The following KCNB2 variants were observed in gnomAD, a reference collection of about 807,000 sequenced individuals.
The protein encoded by KCNB2 is potassium voltage-gated channel subfamily B member 2, also known as delayed rectifier potassium channel protein.
Under a neutral mutation model 61.5 loss-of-function variants are expected in KCNB2, and 15 were observed. The ratio of observed to expected loss-of-function variants is 0.24; its 90% CI spans 0.16 to 0.38. KCNB2 has a LOEUF of 0.38. Among genes scored for constraint, KCNB2 ranks in the 10% least tolerant of loss-of-function variants. The probability of loss-of-function intolerance (pLI) is 1.00; values close to 1 mark genes in which losing one functional copy is unlikely to be tolerated. For synonymous variants in KCNB2, 457 were observed against 446.0 expected, an observed-to-expected ratio of 1.02 and a Z score of -0.31; for missense variants, 828 against 1,125.2, an observed-to-expected ratio of 0.74 and a Z score of 3.78.
intron 2 of KCNB2, among the ~76,000 whole-genome samples, chr8:72,753,648 G>C (rs1056209757): frequency 2.0e-5 from 3 of 152,114 alleles, no homozygotes; most frequent in Non-Finnish European, 4.4e-5. Context: ...GAGAAAGCAG[G>C]CTCCATGAGC....
At chr8:72,684,305 G>T (rs1455039747) in intron 2 of KCNB2, among the ~76,000 whole-genome samples, 1 of 152,326 alleles carries the variant, frequency 6.6e-6, no homozygotes, top group African/African-American at 2.4e-5. Flanking sequence ...GTTCCCCTGG[G>T]ACATCTGGGT....
At chr8:72,910,405 A>G (rs58316320) in intron 2 of KCNB2, among the ~76,000 whole-genome samples, 1 of 152,162 alleles carries the variant, frequency 6.6e-6, no homozygotes, top group Non-Finnish European at 1.5e-5. Context: ...CATAGACGAT[A>G]CCAGGAACCA....
At chr8:72,871,638 A>C (rs1805619474) in intron 2 of KCNB2, among the ~76,000 whole-genome samples, 1 of 152,196 alleles carries the variant, frequency 6.6e-6, no homozygotes, top group South Asian at 2.1e-4. Flanking sequence ...TCTTGTAACC[A>C]ATCTTACAAT....
At chr8:72,760,690 A>G (rs1808364127) in intron 2 of KCNB2, among the ~76,000 whole-genome samples, 1 of 152,206 alleles carries the variant, frequency 6.6e-6, no homozygotes, top group African/African-American at 2.4e-5. Context: ...TATGGAGCTC[A>G]CAGGCCTCAG....
intron 2 of KCNB2, among the ~76,000 whole-genome samples, chr8:72,573,223 A>G (rs187722133): frequency 6.6e-6 from 1 of 152,330 alleles, no homozygotes; most frequent in Non-Finnish European, 1.5e-5. Context: ...AATACATAAC[A>G]TTCTCATTCT....
chr8:72,570,681 G>A (rs891345840), intron 2 of KCNB2, among the ~76,000 whole-genome samples: 9 of 151,998 alleles, frequency 5.9e-5, no homozygotes, highest in Admixed American at 5.9e-4. Flanking sequence ...GCTGCAGTAG[G>A]GTGATATTCT....
At chr8:72,766,521 A>G (rs931591810) in intron 2 of KCNB2, among the ~76,000 whole-genome samples, 4 of 152,072 alleles carry the variant, frequency 2.6e-5, no homozygotes, top group Non-Finnish European at 4.4e-5. Context: ...TCACATCACA[A>G]TTTTTTCCTG....
At chr8:72,622,925 T>C (rs1365747063) in intron 2 of KCNB2, among the ~76,000 whole-genome samples, 3 of 152,162 alleles carry the variant, frequency 2.0e-5, no homozygotes, top group Non-Finnish European at 2.9e-5. Context: ...CTGCTAGAAC[T>C]TGCCATGTGG....
chr8:72,758,907 G>A (rs1306933393), intron 2 of KCNB2, among the ~76,000 whole-genome samples: 2 of 152,174 alleles, frequency 1.3e-5, no homozygotes, highest in East Asian at 1.9e-4. Context: ...CTTAAAATAA[G>A]CCAAGTGCTA....
intron 2 of KCNB2, among the ~76,000 whole-genome samples, chr8:72,758,294 T>A (rs1012463364): frequency 6.6e-6 from 1 of 152,180 alleles, no homozygotes; most frequent in Non-Finnish European, 1.5e-5. Flanking sequence ...GTCCTCATGG[T>A]TGAGTTATTG....
chr8:72,796,864 C>T (rs1338074301), intron 2 of KCNB2, among the ~76,000 whole-genome samples: 2 of 152,088 alleles, frequency 1.3e-5, no homozygotes. Flanking sequence ...GGGTGCATGT[C>T]TTATGTGGAA....
intron 1 of KCNB2, among the ~76,000 whole-genome samples, chr8:72,549,364 G>T (rs1806309120): frequency 6.6e-6 from 1 of 152,222 alleles, no homozygotes; most frequent in East Asian, 1.9e-4. Context: ...CATAACAAAA[G>T]TATATTTCTC....
At chr8:72,583,948 C>CAAAAAA (rs71566823) in intron 2 of KCNB2, among the ~76,000 whole-genome samples, 16 of 100,774 alleles carry the variant, frequency 1.6e-4, no homozygotes, top group African/African-American at 4.5e-4. Context: ...AATAGAATAT[C>CAAAAAA]AAAAAAAAAA....
chr8:72,614,868 A>G (rs930411264), intron 2 of KCNB2, among the ~76,000 whole-genome samples: 1 of 152,154 alleles, frequency 6.6e-6, no homozygotes, highest in African/African-American at 2.4e-5. Flanking sequence ...ATAACCACAC[A>G]ATGGCCCATG....
At chr8:72,857,593 G>T (rs1810226336) in intron 2 of KCNB2, among the ~76,000 whole-genome samples, 1 of 151,882 alleles carries the variant, frequency 6.6e-6, no homozygotes, top group South Asian at 2.1e-4. Context: ...GTGGCAGAGT[G>T]CCTGCCTGGA....
chr8:72,811,453 C>T (rs559495098), intron 2 of KCNB2, among the ~76,000 whole-genome samples: 1 of 152,238 alleles, frequency 6.6e-6, no homozygotes, highest in African/African-American at 2.4e-5. Flanking sequence ...AAGGTTGTTA[C>T]TTCCACATTC....
intron 2 of KCNB2, among the ~76,000 whole-genome samples, chr8:72,580,060 A>G (rs1322687027): frequency 6.6e-6 from 1 of 152,136 alleles, no homozygotes; most frequent in Admixed American, 6.5e-5. Flanking sequence ...TTGACTCCAC[A>G]ACTTTTTCTG....
rs138121397 is a variant in KCNB2 at position 72,754,467 on chromosome 8, C to T, written c.580-181468C>T. 2.3e-3 allele frequency among the ~76,000 whole-genome samples: 348 copies of T among 152,148 alleles called. 3 individuals are homozygous for T. The highest frequency in any genetic ancestry group is 7.9e-3 in the African/African-American group (329 of 41,506). On this transcript the variant is annotated intron_variant, in intron 2 of 2. Transcript: ENST00000523207. ...TCCCTAAAACCCTGAGGGAGGGGAC[C>T]CTTCCATTGTAATTCAAGGAGCTGT...
chr8:72,660,209 A>G (rs940640601), intron 2 of KCNB2, among the ~76,000 whole-genome samples: 9 of 152,314 alleles, frequency 5.9e-5, no homozygotes, highest in South Asian at 2.1e-4. Context: ...TTAAAGGAGA[A>G]TGAACTTGGA....
Sources: gnomAD v4.1 joint callset for allele counts (sites outside exome capture counted in the v4.1 genomes callset) on GRCh38, gnomAD v4.1.1 for gene constraint, MANE v1.5 for transcripts, NCBI Gene and HGNC (gene_info 2026-07-23, HGNC 2026-07-21) for gene names.